The following CDC20B variants were observed in gnomAD, a reference collection of about 807,000 sequenced individuals.
CDC20B encodes the protein cell division cycle 20B.
CDC20B carries 58 observed loss-of-function variants against 64.1 expected under a neutral mutation model. The ratio of observed to expected loss-of-function variants is 0.90; its 90% confidence interval spans 0.73 to 1.13. The LOEUF (loss-of-function observed/expected upper bound fraction) is 1.13, where lower values mean the gene tolerates loss of function less well. Ranked by LOEUF, CDC20B falls within the 50% of genes most tolerant of loss-of-function variation. CDC20B has a pLI of 0.00. For synonymous variants in CDC20B, 243 were observed against 230.6 expected (o/e 1.05, Z -0.49); for missense variants, 597 against 633.0 (o/e 0.94, Z 0.61).
intron 7 of CDC20B, 38 bp downstream of exon 7, chr5:55,128,383 C>T (rs1742945746): frequency 6.6e-7 from 1 of 1,507,074 alleles, no homozygotes; most frequent in African/African-American, 1.4e-5. Flanking sequence ...TAATAATACA[C>T]AGAGAACATG....
rs536048549 is a variant in CDC20B, at chr5:55,116,572, T to C, written c.1460-2254A>G. 1.3e-4 allele frequency among the ~76,000 whole-genome samples: 20 copies of C among 152,306 alleles called. No individual in the cohort carries two copies. The South Asian group carries it at 3.9e-3, about 30-fold the overall frequency. ...CAAGTGATCCTTCCACCTCAGTCTCTCAAATAGCTGGGACTATAGAGTGTG... is the reference window on the plus strand; with the variant it reads ...CAAGTGATCCTTCCACCTCAGTCTCCCAAATAGCTGGGACTATAGAGTGTG... On this transcript the variant is annotated intron_variant, in intron 11 of 11. Coordinates refer to ENST00000381375, the MANE Select transcript of CDC20B (RefSeq NM_001170402.1).
intron 6 of CDC20B, among the ~76,000 whole-genome samples, chr5:55,132,189 T>C (rs1330525368): frequency 6.6e-6 from 1 of 152,220 alleles, no homozygotes; most frequent in African/African-American, 2.4e-5. Flanking sequence ...TGACAATACA[T>C]TCTCTTGGAG....
chr5:55,119,711 A>C (rs1320561598), intron 11 of CDC20B, 90 bp downstream of exon 11: 2 of 799,576 alleles, frequency 2.5e-6, no homozygotes, highest in African/African-American at 3.4e-5. Context: ...GAAAAACCAG[A>C]AGGATAAAAT....
chr5:55,170,484 C>A, intron 2 of CDC20B: 1 of 526,146 alleles, frequency 1.9e-6, no homozygotes, highest in East Asian at 5.6e-5. Context: ...GCAGAAAGTA[C>A]ACATAAACAC....
chr5:55,116,422 T>C (rs1311853351), intron 11 of CDC20B, among the ~76,000 whole-genome samples: 1 of 152,132 alleles, frequency 6.6e-6, no homozygotes, highest in Non-Finnish European at 1.5e-5. Flanking sequence ...AGGATAAATA[T>C]ATAATAGAAC....
chr5:55,128,371 T>C (rs1742945519), intron 7 of CDC20B, 50 bp downstream of exon 7: 5 of 1,409,212 alleles, frequency 3.5e-6, no homozygotes, highest in South Asian at 1.4e-5. Context: ...TCAATTATAG[T>C]GTAATAATAC....
At chr5:55,120,324 TAGAG>T in intron 10 of CDC20B, 97 bp downstream of exon 10, 1 of 1,364,250 alleles carries the variant, frequency 7.3e-7, no homozygotes, top group Non-Finnish European at 1.0e-6. Flanking sequence ...ATGGACTCAA[TAGAG>T]AAAGAGAGCT....
At chr5:55,150,803 G>T (rs935975639) in intron 2 of CDC20B, among the ~76,000 whole-genome samples, 5 of 152,006 alleles carry the variant, frequency 3.3e-5, no homozygotes, top group African/African-American at 1.2e-4. Context: ...GGAGTGCAGC[G>T]GCACAATCAT....
At position 55,146,622 on chromosome 5, in the gene CDC20B, C is replaced by T; in HGVS notation, c.355+6G>A. The T allele has an allele frequency of 1.2e-6, 2 of 1,610,022 alleles. No homozygotes were observed. The highest frequency in any genetic ancestry group is 1.7e-6 in the Non-Finnish European group (2 of 1,176,570). On this transcript the variant is annotated splice_donor_region_variant and intron_variant, in intron 3 of 11. Coordinates refer to ENST00000381375, the MANE Select transcript of CDC20B (RefSeq NM_001170402.1). ...AAACGGGGCTGTGGCGTTTGGGGCACCTCACCTAGAGTCAAGGTCTCTTTC... is the reference window on the plus strand; with the variant it reads ...AAACGGGGCTGTGGCGTTTGGGGCATCTCACCTAGAGTCAAGGTCTCTTTC...
intron 5 of CDC20B, among the ~76,000 whole-genome samples, chr5:55,134,552 A>T (rs1412899735): frequency 6.6e-6 from 1 of 152,172 alleles, no homozygotes; most frequent in East Asian, 1.9e-4. Context: ...GCCTGAGCCC[A>T]GGAGTTTGAG....
intron 2 of CDC20B, among the ~76,000 whole-genome samples, chr5:55,150,402 G>A (rs892299716): frequency 2.0e-5 from 3 of 152,204 alleles, no homozygotes; most frequent in African/African-American, 2.4e-5. Context: ...TTTACTAAGC[G>A]TGTGTGAGGG....
chr5:55,126,856 T>G (rs912064622), intron 8 of CDC20B, among the ~76,000 whole-genome samples: 1 of 152,242 alleles, frequency 6.6e-6, no homozygotes, highest in Admixed American at 6.5e-5. Context: ...TCTGCTCTAA[T>G]TTCTGTGGGT....
At chr5:55,160,499 A>G in intron 2 of CDC20B, 1 of 819,448 alleles carries the variant, frequency 1.2e-6, no homozygotes, top group South Asian at 1.7e-5. Flanking sequence ...ATAAGTTGGA[A>G]TTTAGTCTTC....
chr5:55,156,257 C>G (rs1165634222), intron 2 of CDC20B, among the ~76,000 whole-genome samples: 1 of 152,168 alleles, frequency 6.6e-6, no homozygotes, highest in African/African-American at 2.4e-5. Context: ...CCCCACCCTT[C>G]ATATGTGGGG....
intron 10 of CDC20B, 89 bp from the exon 11 acceptor site, chr5:55,120,007 C>A (rs1742719167): frequency 1.1e-6 from 1 of 926,042 alleles, no homozygotes; most frequent in Non-Finnish European, 1.7e-6. Context: ...ATGCACTGTC[C>A]ATGACCCAAC....
At chr5:55,142,902 G>T (rs1743369184) in intron 4 of CDC20B, among the ~76,000 whole-genome samples, 1 of 152,152 alleles carries the variant, frequency 6.6e-6, no homozygotes, top group African/African-American at 2.4e-5. Flanking sequence ...CTGAAATATG[G>T]ATTCCTTCAA....
chr5:55,154,244 C>T (rs1743751298), intron 2 of CDC20B, among the ~76,000 whole-genome samples: 1 of 152,136 alleles, frequency 6.6e-6, no homozygotes, highest in African/African-American at 2.4e-5. Context: ...GGGTCTGGCG[C>T]AGTGGCTTAC....
chr5:55,160,836 T>A, intron 2 of CDC20B: 2 of 710,546 alleles, frequency 2.8e-6, no homozygotes, highest in South Asian at 4.4e-5. Context: ...GCATCTAGGT[T>A]ACAGTTTTCA....
At chr5:55,134,094 A>T (rs1385314251) in intron 5 of CDC20B, among the ~76,000 whole-genome samples, 2 of 152,194 alleles carry the variant, frequency 1.3e-5, no homozygotes, top group African/African-American at 2.4e-5. Flanking sequence ...AATTTTACCC[A>T]TGACTATCTA....
Sources: allele counts gnomAD v4.1 joint callset (sites outside exome capture counted in the v4.1 genomes callset), GRCh38; gene constraint gnomAD v4.1.1; transcripts MANE v1.5; gene names NCBI Gene and HGNC (gene_info 2026-07-23, HGNC 2026-07-21).